The following PCNX1 variants were observed in gnomAD, a reference collection of about 807,000 sequenced individuals.
PCNX1 encodes the protein pecanex-like protein 1.
In PCNX1, 78 loss-of-function variants were observed where a neutral mutation model predicts 242.2. The ratio of observed to expected loss-of-function variants is 0.32; its 90% CI spans 0.27 to 0.39. The LOEUF (loss-of-function observed/expected upper bound fraction) is 0.39, where lower values mean the gene tolerates loss of function less well. Among genes scored for constraint, PCNX1 ranks in the 10% least tolerant of loss-of-function variants. The pLI is 1.00. For missense variants in PCNX1, 2,581 were observed against 2,856.5 expected (o/e 0.90, Z 2.20); for synonymous variants, 1,024 against 1,032.9 (o/e 0.99, Z 0.17).
Position 70,983,592 on chromosome 14 carries a change from C to T in PCNX1, c.2311+4944C>T, listed in dbSNP as rs117381053. On this transcript the variant is annotated intron_variant, in intron 6 of 35. Coordinates refer to ENST00000304743, the MANE Select transcript of PCNX1 (RefSeq NM_014982.3). ...TGCTGGGATTACAGGCGTGAGCCACCGTGCCCACCCATAGCTAATAATTTT... is the reference window on the plus strand; with the variant it reads ...TGCTGGGATTACAGGCGTGAGCCACTGTGCCCACCCATAGCTAATAATTTT... Among the ~76,000 whole-genome samples the T allele has an allele frequency of 7.4e-3, 1,119 of 151,808 alleles. 39 individuals are homozygous for T. Among genetic ancestry groups the T allele is most frequent in the Non-Finnish European group, 0.012 (820 of 67,720 alleles).
In PCNX1 at chr14:70,969,124, A is replaced by C; in HGVS notation, c.604+14A>C. On this transcript the variant is annotated intron_variant, in intron 5 of 35. Transcript: ENST00000304743. ...GTGAAGAACAAGGTAAGAACGTTAT[A>C]CTTTACCATGATGTCATATACTGTG... 1.4e-6 allele frequency: 2 copies of C among 1,481,122 alleles called. No individual in the cohort carries two copies. The highest frequency in any genetic ancestry group is 1.9e-6 in the Non-Finnish European group (2 of 1,058,530). 91.7% of individuals were successfully genotyped at this position (1,481,122 alleles called of 1,614,324 possible).
Position 71,105,356 on chromosome 14 carries a change from G to A in PCNX1, c.6217G>A (p.Val2073Met), listed in dbSNP as rs762969487. 1 of 1,614,074 alleles carries A rather than the reference G, an allele frequency of 6.2e-7. No homozygotes were observed. The highest frequency in any genetic ancestry group is 8.5e-7 in the Non-Finnish European group (1 of 1,179,972). ...AACTGCCAACAATCCCCACAGCAACGTGACCCAGGGAAGCATTGGAAATCC... is the reference window on the plus strand; with the variant it reads ...AACTGCCAACAATCCCCACAGCAACATGACCCAGGGAAGCATTGGAAATCC... ...ATTANNPHSN[V>M]TQGSIGNPGQ... Residue 2073 changes from valine (V) to methionine (M), a missense_variant, in exon 33 of 36, where the codon GTG becomes ATG. Physicochemically the swap from Val to Met is conservative, Grantham distance 21 (BLOSUM62 1). Around this residue, in one of 9 missense-constraint regions of PCNX1, gnomAD observed 432 missense variants for 433.6 expected, o/e 1.00. Transcript: ENST00000304743.
At chr14:71,059,176 C>T (rs1053640878) in intron 26 of PCNX1, among the ~76,000 whole-genome samples, 1 of 152,140 alleles carries the variant, frequency 6.6e-6, no homozygotes, top group Admixed American at 6.5e-5. Flanking sequence ...TCATATTGAT[C>T]AGTAGTTCTC....
chr14:71,031,187 A>G lies in PCNX1; in HGVS notation c.3559-2242A>G, dbSNP rs996709792. 2.0e-5 allele frequency among the ~76,000 whole-genome samples: 3 copies of G among 152,336 alleles called. 1 individual carries two copies. In the South Asian group the frequency reaches 6.2e-4, roughly 32 times the overall value. ...ACATATCTGCGAATTAAAATGTGCA[A>G]ATGTGCAAATATGCAAATGGAGAAG... On this transcript the variant is annotated intron_variant, in intron 16 of 35. Coordinates refer to ENST00000304743, the MANE Select transcript of PCNX1 (RefSeq NM_014982.3).
intron 33 of PCNX1, among the ~76,000 whole-genome samples, chr14:71,106,518 T>A (rs1413967128): frequency 6.6e-6 from 1 of 151,718 alleles, no homozygotes; most frequent in Admixed American, 6.6e-5. Context: ...AGACTCTTGA[T>A]ATATAATGCC....
intron 21 of PCNX1, among the ~76,000 whole-genome samples, 179 bp downstream of exon 21, chr14:71,047,284 C>A (rs1162867569): frequency 6.6e-6 from 1 of 152,062 alleles, no homozygotes; most frequent in African/African-American, 2.4e-5. Flanking sequence ...CTGCTGTTGG[C>A]ATATTCTGTA....
rs970327355 is a variant in PCNX1 at position 71,115,033 on chromosome 14, A to C, written c.*5098A>C. The stretch of plus-strand genomic sequence containing the variant: ...AAATGTAAAAACTGATTAAACCTAT[A>C]CAAGTCTGGCAATGAGCTCTGCATG... On this transcript the variant is annotated 3_prime_UTR_variant, in exon 36 of 36. Transcript: ENST00000304743. 2 of 152,270 alleles carry C rather than the reference A, an allele frequency of 1.3e-5. No homozygotes were observed. Among genetic ancestry groups the C allele is most frequent in the African/African-American group, 4.8e-5 (2 of 41,370 alleles). The allele number at this position is 152,270 out of a possible 1,614,324, so 9.4% of individuals were successfully genotyped here. A position where few individuals can be genotyped will look rare whatever the true frequency, so the allele number is the denominator to read the frequency against.
intron 6 of PCNX1, among the ~76,000 whole-genome samples, chr14:70,983,266 T>A (rs1462004177): frequency 6.6e-6 from 1 of 152,118 alleles, no homozygotes; most frequent in Non-Finnish European, 1.5e-5. Context: ...AAAATATCAG[T>A]AAGGATGTGC....
At chr14:70,934,837 A>G (rs2056937838) in intron 1 of PCNX1, among the ~76,000 whole-genome samples, 1 of 152,334 alleles carries the variant, frequency 6.6e-6, no homozygotes, top group South Asian at 2.1e-4. Context: ...AGTTCTGCAG[A>G]TAAGTTGCAT....
chr14:71,045,073 A>G, intron 19 of PCNX1, 60 bp from the exon 20 acceptor site: 1 of 1,239,320 alleles, frequency 8.1e-7, no homozygotes, highest in Non-Finnish European at 1.1e-6. Flanking sequence ...GACAAATTAG[A>G]ATTTCTACAA....
Position 71,108,862 on chromosome 14 carries a change from A to C in PCNX1, c.6560A>C (p.Gln2187Pro). The change falls in exon 34 of 36, where the codon CAG becomes CCG. Residue 2187 changes from glutamine (Q) to proline (P), a missense_variant. By Grantham distance (76) the Gln-to-Pro change is moderately conservative. Transcript: ENST00000304743. ...GGTCAGAGCGGCCTGGCCTGTGTGC[A>C]GCACGGCCTGCCTTCCTCCAGCAGC... is the stretch of plus-strand genomic sequence containing the variant. ...PSGQSGLACV[Q>P]HGLPSSSSSS... The C allele has an allele frequency of 6.2e-7, 1 of 1,614,256 alleles. No individual in the cohort carries two copies. The highest frequency in any genetic ancestry group is 1.1e-5 in the South Asian group (1 of 91,092).
Position 71,057,491 on chromosome 14 carries a change from T to C in PCNX1, c.4637-18T>C. 6.4e-7 allele frequency: 1 copy of C among 1,566,850 alleles called. No homozygotes were observed. Among genetic ancestry groups the C allele is most frequent in the South Asian group, 1.1e-5 (1 of 88,208 alleles). The stretch of plus-strand genomic sequence containing the variant: ...ACTTAAGGTTAAATTTAACTTTTTT[T>C]AAAATCTCTTTTTATAGGATCAGAT... On this transcript the variant is annotated intron_variant, in intron 25 of 35. Coordinates refer to ENST00000304743, the MANE Select transcript of PCNX1 (RefSeq NM_014982.3).
At chr14:71,039,039 A>G (rs576807393) in intron 19 of PCNX1, among the ~76,000 whole-genome samples, 4 of 151,608 alleles carry the variant, frequency 2.6e-5, no homozygotes, top group Admixed American at 2.6e-4. Context: ...ACATGGACAC[A>G]GGAAGGGGAA....
At chr14:71,038,788 C>T (rs1183563485) in intron 19 of PCNX1, among the ~76,000 whole-genome samples, 2 of 151,962 alleles carry the variant, frequency 1.3e-5, no homozygotes, top group Non-Finnish European at 2.9e-5. Flanking sequence ...TTTATTGTGG[C>T]ATTATTCACA....
In PCNX1 at chr14:71,033,649, C is replaced by T. The variant is rs569596831; in HGVS notation, c.3668+111C>T. ...CAATGCCTTTCCAAAGTGCTTTGGC[C>T]TAATCTATATTAAGTTTCAAAATAT... is the stretch of plus-strand genomic sequence containing the variant. On this transcript the variant is annotated intron_variant, in intron 17 of 35. Transcript: ENST00000304743. The T allele has an allele frequency of 3.8e-4, 246 of 645,940 alleles. 1 individual carries two copies. The highest frequency in any genetic ancestry group is 3.1e-3 in the Middle Eastern group (10 of 3,188). The allele number at this position is 645,940 out of a possible 1,614,324, so 40.0% of individuals were successfully genotyped here. A position where few individuals can be genotyped will look rare whatever the true frequency, so the allele number is the denominator to read the frequency against.
chr14:71,099,029 C>G (rs2141788373), intron 30 of PCNX1, among the ~76,000 whole-genome samples: 1 of 152,218 alleles, frequency 6.6e-6, no homozygotes, highest in South Asian at 2.1e-4. Context: ...AACTTCATTT[C>G]TTTACGCAAA....
intron 6 of PCNX1, among the ~76,000 whole-genome samples, chr14:70,986,192 C>A (rs2140223201): frequency 6.6e-6 from 1 of 152,278 alleles, no homozygotes; most frequent in South Asian, 2.1e-4. Flanking sequence ...TGTAATATAG[C>A]ATTTTCACTT....
intron 30 of PCNX1, chr14:71,093,337 G>T (rs185347165): frequency 2.0e-5 from 3 of 150,508 alleles, no homozygotes; most frequent in South Asian, 2.1e-4. Context: ...AAAAAAAAGG[G>T]TGATGAAGGA....
In PCNX1 at chr14:70,948,462, T is replaced by TA. The variant is rs1353737430; in HGVS notation, c.362+1340dup. 2.0e-5 allele frequency among the ~76,000 whole-genome samples: 3 copies of TA among 152,258 alleles called. No homozygotes were observed. The East Asian group carries it at 5.8e-4, about 29-fold the overall frequency. The stretch of plus-strand genomic sequence containing the variant: ...GATAAATACACTACTGTATGATAGT[T>TA]ACTTACACTAGAGACCAAAACCAGC... On this transcript the variant is annotated intron_variant, in intron 2 of 35. Transcript: ENST00000304743.
Sources: allele counts gnomAD v4.1 joint callset (sites outside exome capture counted in the v4.1 genomes callset), GRCh38; gene constraint gnomAD v4.1.1; regional missense constraint gnomAD v4.1.1; transcripts MANE v1.5; gene names NCBI Gene and HGNC (gene_info 2026-07-23, HGNC 2026-07-21).